Variants in CEP126 observed in about 807,000 individuals in gnomAD.
CEP126 encodes the protein centrosomal protein 126, also known as centrosomal protein of 126 kDa.
A neutral mutation model predicts 107.8 loss-of-function variants in CEP126; 74 were observed. That is an observed-to-expected ratio of 0.69 (90% CI 0.57 to 0.83). The LOEUF (loss-of-function observed/expected upper bound fraction) is 0.83, where lower values mean the gene tolerates loss of function less well. Among genes scored for constraint, CEP126 ranks in the 40% least tolerant of loss-of-function variants. The pLI, the probability that CEP126 is intolerant of heterozygous loss-of-function variation, is 0.00. For synonymous variants in CEP126, 449 were observed against 446.0 expected (o/e 1.01, Z -0.08); for missense variants, 1,237 against 1,281.9 (o/e 0.96, Z 0.53).
intron 2 of CEP126, among the ~76,000 whole-genome samples, chr11:101,924,223 A>T (rs1473686657): frequency 6.6e-6 from 1 of 152,182 alleles, no homozygotes; most frequent in Non-Finnish European, 1.5e-5. Context: ...ATACATAAAC[A>T]TTTCTTTTAA....
chr11:101,955,851 C>T (rs1372730136), intron 4 of CEP126: 2 of 456,142 alleles, frequency 4.4e-6, no homozygotes, highest in Admixed American at 2.3e-5. Flanking sequence ...GATCAACTGT[C>T]TCCTCCACGG....
chr11:101,990,532 T>G lies in CEP126; in HGVS notation c.3245-2246T>G, dbSNP rs183668315. On this transcript the variant is annotated intron_variant, in intron 9 of 10. Transcript: ENST00000263468. ...CTGTTGGTGGGAGGGTCTAAAATTC[T>G]CTTGTACAAAACCTGCCAAAGATAG... Among the ~76,000 whole-genome samples, 31 of 152,134 alleles carry G rather than the reference T, an allele frequency of 2.0e-4. No individual in the cohort carries two copies. In the East Asian group the frequency reaches 5.0e-3, roughly 25 times the overall value.
intron 1 of CEP126, among the ~76,000 whole-genome samples, chr11:101,918,127 G>T (rs1269470936): frequency 6.6e-6 from 1 of 151,988 alleles, no homozygotes; most frequent in African/African-American, 2.4e-5. Context: ...TCACTGATGG[G>T]ATCTTACTTT....
chr11:101,915,383 C>G lies in CEP126; in HGVS notation c.99C>G (p.Ser33Arg). The G allele has an allele frequency of 6.2e-7, 1 of 1,613,484 alleles. No homozygotes were observed. The highest frequency in any genetic ancestry group is 8.5e-7 in the Non-Finnish European group (1 of 1,179,790). ...LDRAPLGPRE[S>R]GGHHRPGSYL... The stretch of plus-strand genomic sequence containing the variant: ...GAGCCCCCCTCGGCCCTCGGGAGAG[C>G]GGCGGGCATCACCGACCTGGCTCTT... The change falls in exon 1 of 11, where the codon AGC becomes AGG. Residue 33 changes from serine to arginine, a missense_variant. Around this residue, in one of 3 missense-constraint regions of CEP126, gnomAD observed 1,134 missense variants for 1,150.5 expected, o/e 0.99. Transcript: ENST00000263468.
rs1044342081 is a variant in CEP126, at chr11:101,923,616, G to T, written c.248+856G>T. On this transcript the variant is annotated intron_variant, in intron 2 of 10. Coordinates refer to ENST00000263468, the MANE Select transcript of CEP126 (RefSeq NM_020802.4). ...TTCTCTTCAGATTAACTTTTTTATT[G>T]TCTGATGTAGTTGAAATTATTTACT... 3.3e-5 allele frequency among the ~76,000 whole-genome samples: 5 copies of T among 152,210 alleles called. No homozygotes were observed. The South Asian group carries it at 8.3e-4, about 25-fold the overall frequency.
In CEP126 at chr11:101,987,183, C is replaced by T. The variant is rs7123261; in HGVS notation, c.3244+142C>T. 4,732 of 607,968 alleles carry T rather than the reference C, an allele frequency of 7.8e-3. 174 individuals carry two copies. Among genetic ancestry groups the T allele is most frequent in the African/African-American group, 0.074 (3,997 of 53,828 alleles). The allele number at this position is 607,968 out of a possible 1,614,324, so 37.7% of individuals were successfully genotyped here. A position where few individuals can be genotyped will look rare whatever the true frequency, so the allele number is the denominator to read the frequency against. The stretch of plus-strand genomic sequence containing the variant: ...CTACCTGAGTGCATAACCATTCAGA[C>T]TATATTTGAATACTATTTCAAGTAT... On this transcript the variant is annotated intron_variant, in intron 9 of 10. Transcript: ENST00000263468.
At chr11:101,928,190 T>C (rs917771877) in intron 2 of CEP126, among the ~76,000 whole-genome samples, 2 of 152,214 alleles carry the variant, frequency 1.3e-5, no homozygotes, top group Non-Finnish European at 2.9e-5. Flanking sequence ...TTTACATTTT[T>C]GTTCATTTTT....
At chr11:101,945,937 C>G (rs12221779) in intron 3 of CEP126, among the ~76,000 whole-genome samples, 8,489 of 152,032 alleles carry the variant, frequency 0.056, 461 homozygotes, top group East Asian at 0.26. Flanking sequence ...AGGTGGGGAA[C>G]TAGGGGTCTC....
chr11:101,915,058 C>T lies in CEP126; in HGVS notation c.-227C>T. On this transcript the variant is annotated 5_prime_UTR_variant, in exon 1 of 11. Transcript: ENST00000263468. ...GGCGGCTGCAGGGTTGCTGCCGCCC[C>T]ATCTGCTATTGCCCGGCGAGGTCGC... 9.7e-6 allele frequency: 5 copies of T among 517,296 alleles called. No homozygotes were observed. Among genetic ancestry groups the T allele is most frequent in the Non-Finnish European group, 1.7e-5 (5 of 301,070 alleles). 32.0% of individuals were successfully genotyped at this position (517,296 alleles called of 1,614,324 possible).
chr11:101,922,951 A>T (rs1162251767), intron 2 of CEP126, among the ~76,000 whole-genome samples, 191 bp downstream of exon 2: 3 of 152,206 alleles, frequency 2.0e-5, no homozygotes, highest in Non-Finnish European at 4.4e-5. Flanking sequence ...GTGGTGTATT[A>T]TCTAGGTCTC....
chr11:101,950,895 G>C (rs1196883645), intron 4 of CEP126, among the ~76,000 whole-genome samples: 1 of 152,258 alleles, frequency 6.6e-6, no homozygotes, highest in East Asian at 1.9e-4. Flanking sequence ...TTTTCAGCAG[G>C]GAGTGATAGC....
chr11:101,947,605 G>A (rs1265219163), intron 3 of CEP126, among the ~76,000 whole-genome samples: 1 of 152,084 alleles, frequency 6.6e-6, no homozygotes, highest in Non-Finnish European at 1.5e-5. Context: ...CATAGTGAGG[G>A]TTAGTTTATG....
intron 2 of CEP126, among the ~76,000 whole-genome samples, chr11:101,937,930 G>T: frequency 6.6e-6 from 1 of 151,320 alleles, no homozygotes; most frequent in Middle Eastern, 3.2e-3. Context: ...GAGGCGGGTG[G>T]ATCATGAGGT....
intron 1 of CEP126, among the ~76,000 whole-genome samples, chr11:101,919,968 T>C (rs986178868): frequency 6.6e-6 from 1 of 152,236 alleles, no homozygotes; most frequent in Non-Finnish European, 1.5e-5. Flanking sequence ...GTTAAAATAT[T>C]CTATCAGAGA....
chr11:101,953,202 C>T (rs973661552), intron 4 of CEP126, among the ~76,000 whole-genome samples: 1 of 152,164 alleles, frequency 6.6e-6, no homozygotes, highest in Non-Finnish European at 1.5e-5. Flanking sequence ...CTCGAGGAAA[C>T]TCAAAACTAT....
rs533605419 is a variant in CEP126, at chr11:101,915,190, G to A, written c.-95G>A. The A allele has an allele frequency of 2.6e-6, 4 of 1,548,782 alleles. No individual in the cohort carries two copies. The Admixed American group carries it at 7.2e-5, about 28-fold the overall frequency. On this transcript the variant is annotated 5_prime_UTR_variant, in exon 1 of 11. Coordinates refer to ENST00000263468, the MANE Select transcript of CEP126 (RefSeq NM_020802.4). ...CCCGTGACGCGGGGCCTGAGAGACG[G>A]AGTGTAGGGAGGGGCCGAGCAGGAG...
In CEP126 at chr11:101,946,679, G is replaced by A. The variant is rs542894518; in HGVS notation, c.395-1352G>A. On this transcript the variant is annotated intron_variant, in intron 3 of 10. Coordinates refer to ENST00000263468, the MANE Select transcript of CEP126 (RefSeq NM_020802.4). ...GTTCGAGACCAGCCTGGCCAACATG[G>A]TGAAACCCCATCTCTACTAAAAATA... Among the ~76,000 whole-genome samples the A allele has an allele frequency of 4.6e-5, 7 of 151,824 alleles. No individual in the cohort carries two copies. The South Asian group carries it at 1.0e-3, about 23-fold the overall frequency.
Position 101,992,814 on chromosome 11 carries a change from A to G in CEP126, c.3281A>G (p.Lys1094Arg). Reference sequence around the variant, plus strand: ...TCCATTTGCAAAAACCCATCCATCAAAAATACTTTACAAATAATACCACTT... The same window carrying G: ...TCCATTTGCAAAAACCCATCCATCAGAAATACTTTACAAATAATACCACTT... The part of the protein sequence containing the change: ...QESICKNPSI[K>R]NTLQIIPLLE... The change falls in exon 10 of 11, where the codon AAA (lysine) becomes AGA (arginine). Residue 1094 changes from lysine (K) to arginine (R), a missense_variant. Physicochemically the swap from Lys to Arg is conservative, Grantham distance 26. Transcript: ENST00000263468. The G allele has an allele frequency of 1.3e-6, 2 of 1,539,594 alleles. No homozygotes were observed. The highest frequency in any genetic ancestry group is 1.7e-6 in the Non-Finnish European group (2 of 1,145,206).
intron 1 of CEP126, 78 bp downstream of exon 1, chr11:101,915,490 A>G (rs899992884): frequency 1.1e-4 from 164 of 1,528,162 alleles, no homozygotes; most frequent in Non-Finnish European, 1.4e-4. Flanking sequence ...GATTCCCATT[A>G]CCTTTGACGC....
Sources: allele counts gnomAD v4.1 joint callset (sites outside exome capture counted in the v4.1 genomes callset), GRCh38; gene constraint gnomAD v4.1.1; regional missense constraint gnomAD v4.1.1; transcripts MANE v1.5; gene names NCBI Gene and HGNC (gene_info 2026-07-23, HGNC 2026-07-21).